Variants in RANBP2 observed in about 807,000 individuals in gnomAD.
RANBP2 encodes the protein E3 SUMO-protein ligase RanBP2.
Under a neutral mutation model 303.6 loss-of-function variants are expected in RANBP2, and 57 were observed. That is an observed-to-expected ratio of 0.19 (90% CI 0.15 to 0.23). The LOEUF (loss-of-function observed/expected upper bound fraction) is 0.23. Ranked by LOEUF, RANBP2 falls within the 10% of genes least tolerant of loss-of-function variation. RANBP2 has a pLI of 1.00. For synonymous variants in RANBP2, 1,167 were observed against 1,301.5 expected (o/e 0.90, Z 2.23); for missense variants, 3,138 against 3,780.8 (o/e 0.83, Z 4.46).
the RANBP2 span, among the ~76,000 whole-genome samples, chr2:108,918,030 G>A: frequency 3.9e-5 from 6 of 151,950 alleles, no homozygotes; most frequent in East Asian, 1.9e-4. Flanking sequence ...TATTATTAGC[G>A]CACCAGCATC....
chr2:109,147,913 G>T, the RANBP2 span, among the ~76,000 whole-genome samples: 1 of 152,102 alleles, frequency 6.6e-6, no homozygotes, highest in Non-Finnish European at 1.5e-5. Flanking sequence ...TTATTGATTG[G>T]CAGTTCATCT....
At position 108,785,706 on chromosome 2, in the gene RANBP2, G is replaced by A. The variant is rs1284224875; in HGVS notation, c.*1805G>A. On this transcript the variant is annotated 3_prime_UTR_variant, in exon 29 of 29. Transcript: ENST00000283195. ...GATTTCTCTTTGTTATTTAATCACT[G>A]ATGTGGTCTAAACCCACGATAATAT... 1.3e-5 allele frequency: 2 copies of A among 152,148 alleles called. No homozygotes were observed. The highest frequency in any genetic ancestry group is 4.8e-5 in the African/African-American group (2 of 41,430). 9.4% of individuals were successfully genotyped at this position (152,148 alleles called of 1,614,324 possible).
At chr2:109,499,109 AAGC>A in the RANBP2 span, among the ~76,000 whole-genome samples, 1 of 152,130 alleles carries the variant, frequency 6.6e-6, no homozygotes, top group Non-Finnish European at 1.5e-5. Context: ...AGCAGGGTGA[AAGC>A]AGGAGGCCCA....
At chr2:109,143,697 T>C in the RANBP2 span, among the ~76,000 whole-genome samples, 1 of 151,996 alleles carries the variant, frequency 6.6e-6, no homozygotes, top group Non-Finnish European at 1.5e-5. Context: ...GAGGCTGCAG[T>C]GAGCCGTGAT....
chr2:109,059,501 G>C, the RANBP2 span, among the ~76,000 whole-genome samples: 53 of 152,088 alleles, frequency 3.5e-4, no homozygotes, highest in African/African-American at 1.1e-3. Context: ...TGTGAATCCC[G>C]GGAGGCAGAG....
At chr2:108,937,606 GTA>G in the RANBP2 span, among the ~76,000 whole-genome samples, 2 of 125,498 alleles carry the variant, frequency 1.6e-5, no homozygotes, top group African/African-American at 5.5e-5. Flanking sequence ...ATGAGTGTGT[GTA>G]TATGTGTGTG....
intron 12 of RANBP2, among the ~76,000 whole-genome samples, chr2:108,752,538 C>T (rs548675037): frequency 2.7e-5 from 4 of 148,614 alleles, no homozygotes; most frequent in South Asian, 2.1e-4. Context: ...GTTAGGAGGC[C>T]GAGGCGGGCA....
At chr2:109,236,957 C>T in the RANBP2 span, among the ~76,000 whole-genome samples, 2 of 152,042 alleles carry the variant, frequency 1.3e-5, no homozygotes, top group Non-Finnish European at 2.9e-5. Context: ...TTTCAACTGG[C>T]CTAAGGGTTT....
chr2:108,740,707 T>C, intron 7 of RANBP2, 26 bp downstream of exon 7: 3 of 1,597,440 alleles, frequency 1.9e-6, no homozygotes, highest in Non-Finnish European at 2.5e-6. Flanking sequence ...GTAGGAGCAA[T>C]TGACATTTCA....
the RANBP2 span, among the ~76,000 whole-genome samples, chr2:108,792,670 T>C: frequency 6.6e-6 from 1 of 152,188 alleles, no homozygotes; most frequent in African/African-American, 2.4e-5. Context: ...CTATGTTTTA[T>C]TTTTACTTCT....
At chr2:109,300,409 A>C in the RANBP2 span, among the ~76,000 whole-genome samples, 1 of 152,060 alleles carries the variant, frequency 6.6e-6, no homozygotes, top group African/African-American at 2.4e-5. Flanking sequence ...CCAACTCCTC[A>C]CCTCAAGTGA....
At chr2:108,723,892 CATTGATTG>C (rs35910381) in intron 1 of RANBP2, among the ~76,000 whole-genome samples, 22 of 151,236 alleles carry the variant, frequency 1.5e-4, no homozygotes, top group East Asian at 5.8e-4. Context: ...CAGCTTAAAA[CATTGATTG>C]ATTGATTGAT....
the RANBP2 span, among the ~76,000 whole-genome samples, chr2:109,694,760 C>A: frequency 9.3e-5 from 14 of 150,668 alleles, no homozygotes; most frequent in South Asian, 2.9e-3. Context: ...TTGGGATTTT[C>A]TAATTAGGGA....
At chr2:108,837,398 G>A in the RANBP2 span, among the ~76,000 whole-genome samples, 12 of 152,130 alleles carry the variant, frequency 7.9e-5, no homozygotes, top group African/African-American at 2.2e-4. Flanking sequence ...TAGTCATGGC[G>A]TATAATCCCT....
the RANBP2 span, among the ~76,000 whole-genome samples, chr2:108,993,135 G>T: frequency 2.6e-5 from 4 of 152,350 alleles, no homozygotes; most frequent in African/African-American, 4.8e-5. Flanking sequence ...GCTGATGTGG[G>T]GGTAAGGGGG....
the RANBP2 span, among the ~76,000 whole-genome samples, chr2:109,134,097 C>T: frequency 1.3e-5 from 2 of 152,202 alleles, no homozygotes; most frequent in Admixed American, 6.5e-5. Context: ...TACTGAGTGC[C>T]TGCTGCATGC....
chr2:109,113,102 G>C, the RANBP2 span, among the ~76,000 whole-genome samples: 1 of 152,264 alleles, frequency 6.6e-6, no homozygotes, highest in East Asian at 1.9e-4. Flanking sequence ...GCTTAGGATT[G>C]ACTTGGCAAT....
At chr2:109,132,875 C>G in the RANBP2 span, among the ~76,000 whole-genome samples, 1 of 152,160 alleles carries the variant, frequency 6.6e-6, no homozygotes, top group African/African-American at 2.4e-5. Context: ...TTTTGTGGTT[C>G]CACATTGAGT....
chr2:108,772,013 T>C, intron 21 of RANBP2, 142 bp downstream of exon 21: 2 of 1,103,282 alleles, frequency 1.8e-6, no homozygotes, highest in Non-Finnish European at 2.7e-6. Flanking sequence ...AATGTATGTG[T>C]AAATGGTCAA....
Sources: gnomAD v4.1 joint callset for allele counts (sites outside exome capture counted in the v4.1 genomes callset) on GRCh38, gnomAD v4.1.1 for gene constraint, MANE v1.5 for transcripts, NCBI Gene and HGNC (gene_info 2026-07-23, HGNC 2026-07-21) for gene names.